CCDC83: variants seen among roughly 807,000 people sequenced by gnomAD.
CCDC83 encodes coiled-coil domain containing 83.
Under a neutral mutation model 50.1 loss-of-function variants are expected in CCDC83, and 54 were observed. That is an observed-to-expected ratio of 1.08 (90% CI 0.87 to 1.35). The LOEUF (loss-of-function observed/expected upper bound fraction) is 1.35, where lower values mean the gene tolerates loss of function less well. CCDC83 is among the 40% of genes most tolerant of loss of function. CCDC83 has a pLI of 0.00. For missense variants in CCDC83, 518 were observed against 473.9 expected (o/e 1.09, Z -0.86); for synonymous variants, 161 against 153.3 (o/e 1.05, Z -0.37).
intron 3 of CCDC83, among the ~76,000 whole-genome samples, chr11:85,880,053 A>T (rs1022681961): frequency 4.6e-5 from 7 of 152,092 alleles, no homozygotes; most frequent in African/African-American, 1.7e-4. Flanking sequence ...CTCTTACTTT[A>T]TTCTTGTTTT....
chr11:85,875,793 C>T (rs1335975461), intron 3 of CCDC83, among the ~76,000 whole-genome samples: 2 of 152,214 alleles, frequency 1.3e-5, no homozygotes, highest in Non-Finnish European at 2.9e-5. Flanking sequence ...CTTTCCTACA[C>T]ATCATCTCTT....
chr11:85,865,996 C>T (rs2153682491), intron 2 of CCDC83, among the ~76,000 whole-genome samples: 1 of 151,736 alleles, frequency 6.6e-6, no homozygotes, highest in South Asian at 2.1e-4. Context: ...TAAATGGCTA[C>T]ATATCAAATC....
At chr11:85,907,608 G>A (rs1245697830) in intron 7 of CCDC83, among the ~76,000 whole-genome samples, 4 of 152,228 alleles carry the variant, frequency 2.6e-5, no homozygotes, top group Non-Finnish European at 5.9e-5. Context: ...GCTGAGGCAG[G>A]GAGGGAAATG....
intron 1 of CCDC83, among the ~76,000 whole-genome samples, chr11:85,858,831 G>A (rs1358532324): frequency 2.0e-5 from 3 of 152,142 alleles, no homozygotes. Flanking sequence ...AGGGCAAAGA[G>A]GAACTGTTGT....
intron 3 of CCDC83, 38 bp from the exon 4 acceptor site, chr11:85,882,475 G>C: frequency 1.2e-6 from 2 of 1,606,418 alleles, no homozygotes; most frequent in East Asian, 4.5e-5. Flanking sequence ...AGTGTACATA[G>C]TTGATCAAAC....
intron 2 of CCDC83, among the ~76,000 whole-genome samples, chr11:85,867,885 G>A (rs1327618817): frequency 1.3e-5 from 2 of 152,138 alleles, no homozygotes; most frequent in Non-Finnish European, 2.9e-5. Flanking sequence ...TCATGGACTG[G>A]AACAGCCAAG....
In CCDC83 at chr11:85,898,994, G is replaced by C; in HGVS notation, c.651G>C (p.Glu217Asp). The C allele has an allele frequency of 2.5e-6, 4 of 1,611,252 alleles. No individual in the cohort carries two copies. The highest frequency in any genetic ancestry group is 3.4e-6 in the Non-Finnish European group (4 of 1,178,138). Residue 217 changes from glutamate (E) to aspartate (D), a missense_variant, in exon 7 of 11, where the codon GAG (glutamate) becomes GAC (aspartate). Physicochemically the swap from Glu to Asp is conservative, Grantham distance 45. Transcript: ENST00000342404. ...IDKGSYLEIW[E>D]NDWLKKEVAI... ...AGGGCAGTTATCTAGAGATCTGGGA[G>C]AATGACTGGCTCAAAAAAGAGGTAA...
intron 7 of CCDC83, among the ~76,000 whole-genome samples, chr11:85,907,706 T>C (rs1224561149): frequency 6.6e-6 from 1 of 152,114 alleles, no homozygotes; most frequent in African/African-American, 2.4e-5. Context: ...TAGTTTTTAT[T>C]CCCTAACATT....
At position 85,917,155 on chromosome 11, in the gene CCDC83, A is replaced by AAG. The variant is rs1162985080; in HGVS notation, c.1080+922_1080+923insAG. ...AAGAAAGAGAGAGAGAGAGAGAGAG[A>AAG]GAGAGAGAGAGAGAAAGAAAGAAAG... On this transcript the variant is annotated intron_variant, in intron 10 of 10. Coordinates refer to ENST00000342404, the MANE Select transcript of CCDC83 (RefSeq NM_001286159.2). 2.4e-3 allele frequency among the ~76,000 whole-genome samples: 241 copies of AAG among 100,238 alleles called. 4 individuals are homozygous for AAG. Among genetic ancestry groups the AAG allele is most frequent in the African/African-American group, 8.7e-3 (226 of 25,890 alleles). 65.8% of individuals were successfully genotyped at this position (100,238 alleles called of 152,430 possible).
At chr11:85,915,100 C>A (rs971491645) in intron 8 of CCDC83, among the ~76,000 whole-genome samples, 1 of 152,098 alleles carries the variant, frequency 6.6e-6, no homozygotes, top group African/African-American at 2.4e-5. Context: ...TGGGTGGGGC[C>A]CAGCTAAACT....
intron 10 of CCDC83, among the ~76,000 whole-genome samples, chr11:85,917,134 A>AAGAGAGAGAGAGAGAGAG (rs201907138): frequency 6.3e-4 from 49 of 77,968 alleles, no homozygotes; most frequent in African/African-American, 2.5e-3. Context: ...AAGAAAAAGA[A>AAGAGAGAGAGAGAGAGAG]AGAGAGAGAG....
chr11:85,882,364 C>T (rs2093304874), intron 3 of CCDC83, 149 bp from the exon 4 acceptor site: 1 of 647,390 alleles, frequency 1.5e-6, no homozygotes, highest in Non-Finnish European at 2.7e-6. Context: ...GTAGGGATAC[C>T]ACCTCATAAT....
At chr11:85,907,727 G>T (rs1056041468) in intron 7 of CCDC83, among the ~76,000 whole-genome samples, 1 of 150,444 alleles carries the variant, frequency 6.6e-6, no homozygotes, top group Non-Finnish European at 1.5e-5. Context: ...TCAAAAGGCC[G>T]AGGGAGATAG....
chr11:85,862,431 G>A (rs917809891), intron 1 of CCDC83, among the ~76,000 whole-genome samples: 2 of 152,170 alleles, frequency 1.3e-5, no homozygotes, highest in Non-Finnish European at 2.9e-5. Context: ...TTATCTGCAT[G>A]ATTTTGCAAT....
rs2093459207 is a variant in CCDC83, at chr11:85,912,521, GGATT to G, written c.794+1124_794+1127del. 5 of 688,252 alleles carry G rather than the reference GGATT, an allele frequency of 7.3e-6. No individual in the cohort carries two copies. The South Asian group carries it at 8.5e-5, about 12-fold the overall frequency. 42.6% of individuals were successfully genotyped at this position (688,252 alleles called of 1,614,324 possible). On this transcript the variant is annotated intron_variant, in intron 8 of 10. Coordinates refer to ENST00000342404, the MANE Select transcript of CCDC83 (RefSeq NM_001286159.2). ...ATATAGATGAGGTGAGGCTGAATGA[GGATT>G]GATTACTGAACTCCTGTACTTCCAG...
chr11:85,918,597 T>C (rs189264384), intron 10 of CCDC83, among the ~76,000 whole-genome samples: 2 of 152,308 alleles, frequency 1.3e-5, no homozygotes, highest in Admixed American at 1.3e-4. Flanking sequence ...CCAAAAGCTA[T>C]CTGAGACAGG....
At chr11:85,882,816 A>G (rs571759446) in intron 4 of CCDC83, 141 bp downstream of exon 4, 2 of 715,136 alleles carry the variant, frequency 2.8e-6, no homozygotes, top group East Asian at 2.7e-5. Context: ...CCACAAACAC[A>G]TGTAGGTAAA....
At chr11:85,883,715 C>A (rs2093312995) in intron 4 of CCDC83, among the ~76,000 whole-genome samples, 1 of 152,142 alleles carries the variant, frequency 6.6e-6, no homozygotes, top group Non-Finnish European at 1.5e-5. Context: ...GACCTAAGTG[C>A]TATCATTTGT....
chr11:85,914,706 A>AC (rs2093469720), intron 8 of CCDC83, among the ~76,000 whole-genome samples: 1 of 151,992 alleles, frequency 6.6e-6, no homozygotes, highest in African/African-American at 2.4e-5. Context: ...CCCTTCTTTC[A>AC]CCCCTAGCTC....
Sources: allele counts gnomAD v4.1 joint callset (sites outside exome capture counted in the v4.1 genomes callset), GRCh38; gene constraint gnomAD v4.1.1; transcripts MANE v1.5; gene names NCBI Gene and HGNC (gene_info 2026-07-23, HGNC 2026-07-21).